The following HERC1 variants were observed in gnomAD, a reference collection of about 807,000 sequenced individuals.
The protein encoded by HERC1 is probable E3 ubiquitin-protein ligase HERC1.
In HERC1, 160 loss-of-function variants were observed where a neutral mutation model predicts 554.3. The observed-to-expected ratio is 0.29, with a 90% confidence interval of 0.25 to 0.33. The LOEUF (loss-of-function observed/expected upper bound fraction) is 0.33. Among genes scored for constraint, HERC1 ranks in the 10% least tolerant of loss-of-function variants. HERC1 has a pLI of 1.00. For missense variants in HERC1, 4,919 were observed against 5,918.5 expected (o/e 0.83, Z 5.54); for synonymous variants, 2,175 against 2,131.7 (o/e 1.02, Z -0.56).
intron 2 of HERC1, among the ~76,000 whole-genome samples, chr15:63,770,940 G>A (rs1207445042): frequency 6.6e-6 from 1 of 152,200 alleles, no homozygotes; most frequent in Admixed American, 6.5e-5. Context: ...TGTAATCCCA[G>A]CACTGTGGGA....
intron 70 of HERC1, among the ~76,000 whole-genome samples, chr15:63,626,963 A>C (rs1244994217): frequency 6.6e-6 from 1 of 152,156 alleles, no homozygotes; most frequent in Non-Finnish European, 1.5e-5. Flanking sequence ...CAAAACACTG[A>C]GTCTCAAGGT....
intron 17 of HERC1, 104 bp from the exon 18 acceptor site, chr15:63,725,617 A>G: frequency 1.3e-6 from 1 of 796,442 alleles, no homozygotes; most frequent in Non-Finnish European, 2.0e-6. Context: ...CTGATGCAAA[A>G]TATTTTATGA....
Position 63,699,000 on chromosome 15 carries a change from T to C in HERC1, c.4637-4A>G. 6.2e-7 allele frequency: 1 copy of C among 1,602,310 alleles called. No individual in the cohort carries two copies. The highest frequency in any genetic ancestry group is 1.3e-5 in the African/African-American group (1 of 74,694). ...TCCAATTGACTGTGCATAGGACCTA[T>C]ATACAAACAGAATAAACATATATCA... On this transcript the variant is annotated splice_region_variant and splice_polypyrimidine_tract_variant and intron_variant, in intron 25 of 77. Transcript: ENST00000443617.
intron 59 of HERC1, among the ~76,000 whole-genome samples, chr15:63,641,981 T>C (rs534162948): frequency 1.3e-5 from 2 of 152,316 alleles, no homozygotes; most frequent in South Asian, 2.1e-4. Context: ...ACTACAAGGA[T>C]AGCTGCAAAA....
intron 31 of HERC1, among the ~76,000 whole-genome samples, chr15:63,691,272 C>A (rs565827948): frequency 6.6e-6 from 1 of 152,040 alleles, no homozygotes; most frequent in Non-Finnish European, 1.5e-5. Flanking sequence ...TCAAGACCAG[C>A]CTGGCCAACA....
At chr15:63,682,471 A>G (rs995960070) in intron 34 of HERC1, among the ~76,000 whole-genome samples, 11 of 152,140 alleles carry the variant, frequency 7.2e-5, no homozygotes, top group Non-Finnish European at 1.3e-4. Flanking sequence ...AGGGTTCAAA[A>G]ACCCCTGACA....
rs562266255 is a variant in HERC1 at position 63,818,846 on chromosome 15, T to A, written c.-27+14981A>T. ...GTAAAGTGCCCCACCTCTATGCTAA[T>A]CCATGATACAGTCAAAACCACTTCA... On this transcript the variant is annotated intron_variant, in intron 1 of 77. Coordinates refer to ENST00000443617, the MANE Select transcript of HERC1 (RefSeq NM_003922.4). Among the ~76,000 whole-genome samples, 8 of 152,324 alleles carry A rather than the reference T, an allele frequency of 5.3e-5. No homozygotes were observed. In the East Asian group the frequency reaches 9.6e-4, roughly 18 times the overall value.
chr15:63,824,635 G>C (rs2077822331), intron 1 of HERC1, among the ~76,000 whole-genome samples: 1 of 152,102 alleles, frequency 6.6e-6, no homozygotes, highest in South Asian at 2.1e-4. Flanking sequence ...CTGAGAGAGA[G>C]CTGCACTCCC....
chr15:63,821,420 G>A (rs1258918922), intron 1 of HERC1, among the ~76,000 whole-genome samples: 2 of 151,818 alleles, frequency 1.3e-5, no homozygotes, highest in Non-Finnish European at 2.9e-5. Context: ...GCCAGGCATG[G>A]TGGCATGCAC....
chr15:63,728,200 G>A (rs1164849371), intron 16 of HERC1, among the ~76,000 whole-genome samples: 1 of 152,102 alleles, frequency 6.6e-6, no homozygotes, highest in Non-Finnish European at 1.5e-5. Context: ...ACAGTTCTAG[G>A]TGAAAGGGAT....
intron 56 of HERC1, 46 bp from the exon 57 acceptor site, chr15:63,645,143 T>A: frequency 1.5e-6 from 2 of 1,311,908 alleles, no homozygotes; most frequent in Non-Finnish European, 2.2e-6. Flanking sequence ...CAATATGCAT[T>A]AAGTAAAAAT....
rs2068142678 is a variant in HERC1, at chr15:63,622,799, T to C, written c.13688+16A>G. 2 of 1,574,532 alleles carry C rather than the reference T, an allele frequency of 1.3e-6. No homozygotes were observed. The highest frequency in any genetic ancestry group is 1.7e-6 in the Non-Finnish European group (2 of 1,158,354). Reference sequence around the variant, plus strand: ...ATTATTTTAGACATATAATGAACACTTGCTGACTGCCATACCTGTCCCTAT... The same window carrying C: ...ATTATTTTAGACATATAATGAACACCTGCTGACTGCCATACCTGTCCCTAT... On this transcript the variant is annotated intron_variant, in intron 74 of 77. Transcript: ENST00000443617.
intron 19 of HERC1, among the ~76,000 whole-genome samples, chr15:63,721,709 A>G (rs962536749): frequency 3.3e-5 from 5 of 152,228 alleles, no homozygotes; most frequent in African/African-American, 4.8e-5. Flanking sequence ...AAAATGGACA[A>G]AACTAATGAC....
In HERC1 at chr15:63,829,561, G is replaced by GTA. The variant is rs60037018; in HGVS notation, c.-27+4264_-27+4265dup. 3.7e-3 allele frequency among the ~76,000 whole-genome samples: 300 copies of GTA among 81,666 alleles called. 2 individuals are homozygous for GTA. The highest frequency in any genetic ancestry group is 0.011 in the African/African-American group (203 of 19,256). The allele number at this position is 81,666 out of a possible 152,430, so 53.6% of individuals were successfully genotyped here. ...TATATGTATGTGTGTGTGTGTGTGTGTATATATATATATATATATATATAT... is the reference window on the plus strand; with the variant it reads ...TATATGTATGTGTGTGTGTGTGTGTGTATATATATATATATATATATATATAT... On this transcript the variant is annotated intron_variant, in intron 1 of 77. Transcript: ENST00000443617.
chr15:63,704,682 GCACATTATACTAAACAT>G (rs1222670898), intron 25 of HERC1, among the ~76,000 whole-genome samples: 2 of 150,396 alleles, frequency 1.3e-5, no homozygotes, highest in Non-Finnish European at 3.0e-5. Context: ...AATGCATGTT[GCACATTATACTAAACAT>G]CACTTAATTT....
intron 36 of HERC1, among the ~76,000 whole-genome samples, chr15:63,679,362 A>G (rs2071361483): frequency 6.6e-6 from 1 of 152,234 alleles, no homozygotes; most frequent in South Asian, 2.1e-4. Context: ...AAAAACATAG[A>G]ATAAAAGGTA....
intron 2 of HERC1, among the ~76,000 whole-genome samples, chr15:63,769,138 C>A (rs1040454113): frequency 2.0e-5 from 3 of 152,222 alleles, no homozygotes; most frequent in African/African-American, 7.2e-5. Flanking sequence ...TCTACACAGG[C>A]CGGGCACAGT....
At position 63,612,670 on chromosome 15, in the gene HERC1, T is replaced by C. The variant is rs767938576; in HGVS notation, c.14095-114A>G. 27 of 989,736 alleles carry C rather than the reference T, an allele frequency of 2.7e-5. No homozygotes were observed. The highest frequency in any genetic ancestry group is 3.6e-5 in the Non-Finnish European group (25 of 687,984). 61.3% of individuals were successfully genotyped at this position (989,736 alleles called of 1,614,324 possible). ...CTGCTCGTCCGCTCCCCAGACCCTCTACTTGTTTCTCAGACCGCCAGGCAC... is the reference window on the plus strand; with the variant it reads ...CTGCTCGTCCGCTCCCCAGACCCTCCACTTGTTTCTCAGACCGCCAGGCAC... On this transcript the variant is annotated intron_variant, in intron 76 of 77. Transcript: ENST00000443617. The surrounding 1 kb of genome is among the most constrained non-coding windows in gnomAD (Gnocchi z 5.0).
chr15:63,766,009 A>AT (rs999868045), intron 2 of HERC1, among the ~76,000 whole-genome samples: 24 of 152,134 alleles, frequency 1.6e-4, no homozygotes, highest in Admixed American at 5.2e-4. Flanking sequence ...CCTTGACAAA[A>AT]TAAACCTAAA....
Sources: gnomAD v4.1 joint callset for allele counts (sites outside exome capture counted in the v4.1 genomes callset) on GRCh38, gnomAD v4.1.1 for gene constraint, Gnocchi (gnomAD v3.1) non-coding constraint, MANE v1.5 for transcripts, NCBI Gene and HGNC (gene_info 2026-07-23, HGNC 2026-07-21) for gene names.